Variants in ST6GAL1 observed in about 807,000 individuals in gnomAD.
ST6GAL1 encodes the protein ST6 beta-galactoside alpha-2,6-sialyltransferase 1, also known as beta-galactoside alpha-2,6-sialyltransferase 1.
ST6GAL1 carries 20 observed loss-of-function variants against 38.0 expected under a neutral mutation model. The ratio of observed to expected loss-of-function variants is 0.53; its 90% CI spans 0.37 to 0.77. The LOEUF (loss-of-function observed/expected upper bound fraction) is 0.77. ST6GAL1 is among the 30% of genes least tolerant of loss of function. The pLI is 0.00. For synonymous variants in ST6GAL1, 196 were observed against 188.2 expected (o/e 1.04, Z -0.34); for missense variants, 432 against 496.4 (o/e 0.87, Z 1.23).
At chr3:187,051,566 G>A in intron 5 of ST6GAL1, 1 of 483,256 alleles carries the variant, frequency 2.1e-6, no homozygotes, top group Non-Finnish European at 3.8e-6. Flanking sequence ...TCTGCTAATG[G>A]AGGTGTCTGG....
At chr3:187,049,500 G>A (rs991683245) in intron 4 of ST6GAL1, among the ~76,000 whole-genome samples, 1 of 152,146 alleles carries the variant, frequency 6.6e-6, no homozygotes, top group African/African-American at 2.4e-5. Flanking sequence ...CTTCTTGCCC[G>A]GAGGTTGGCA....
intron 1 of ST6GAL1, among the ~76,000 whole-genome samples, chr3:186,947,941 A>G (rs1486626434): frequency 6.6e-6 from 1 of 152,220 alleles, no homozygotes; most frequent in African/African-American, 2.4e-5. Flanking sequence ...CAGCCCCTAC[A>G]GGGTTGACAC....
rs1368884912 is a variant in ST6GAL1 at position 187,042,973 on chromosome 3, G to A, written c.270G>A (p.Glu90=). 13 of 1,613,982 alleles carry A rather than the reference G, an allele frequency of 8.1e-6. No homozygotes were observed. The highest frequency in any genetic ancestry group is 1.1e-5 in the Non-Finnish European group (13 of 1,180,006). ...SLRGLAKAKP[E]ASFQVWNKDS... ...GAGGCCTAGCCAAGGCCAAACCAGAGGCCTCCTTCCAGGTGTGGAACAAGG... is the reference window on the plus strand; with the variant it reads ...GAGGCCTAGCCAAGGCCAAACCAGAAGCCTCCTTCCAGGTGTGGAACAAGG... The change falls in exon 4 of 8, where the codon GAG becomes GAA. Residue 90 remains glutamate (E), a synonymous_variant. Transcript: ENST00000169298.
chr3:187,021,370 A>G (rs1416262433), intron 2 of ST6GAL1, among the ~76,000 whole-genome samples: 1 of 152,226 alleles, frequency 6.6e-6, no homozygotes, highest in Non-Finnish European at 1.5e-5. Context: ...CCTAAGAAAC[A>G]GTCTCTCTCC....
chr3:187,012,292 C>G lies in ST6GAL1; in HGVS notation c.-182-26450C>G, dbSNP rs547270032. ...TCTTTTTTTGAGACAGGGTCCTGCTCTGTCTCCCAGGCTGGAGTGCAGTGG... is the reference window on the plus strand; with the variant it reads ...TCTTTTTTTGAGACAGGGTCCTGCTGTGTCTCCCAGGCTGGAGTGCAGTGG... On this transcript the variant is annotated intron_variant, in intron 2 of 7. Coordinates refer to ENST00000169298, the MANE Select transcript of ST6GAL1 (RefSeq NM_173216.2). Among the ~76,000 whole-genome samples, 3 of 151,464 alleles carry G rather than the reference C, an allele frequency of 2.0e-5. No homozygotes were observed. In the South Asian group the frequency reaches 6.3e-4, roughly 32 times the overall value.
At chr3:186,971,155 C>A (rs2108531547) in intron 2 of ST6GAL1, among the ~76,000 whole-genome samples, 1 of 152,370 alleles carries the variant, frequency 6.6e-6, no homozygotes, top group African/African-American at 2.4e-5. Flanking sequence ...GTGGTGCTAT[C>A]TTGGCTCACT....
rs114277257 is a variant in ST6GAL1, at chr3:186,940,507, G to A, written c.-325+9673G>A. ...CAATCAAACTTGTTCAACCCGTGGC[G>A]TGGGGGCCGCATGTAGCCCAGGATG... On this transcript the variant is annotated intron_variant, in intron 1 of 7. Coordinates refer to ENST00000169298, the MANE Select transcript of ST6GAL1 (RefSeq NM_173216.2). Among the ~76,000 whole-genome samples the A allele has an allele frequency of 9.4e-3, 1,426 of 152,340 alleles. 26 individuals carry two copies. The highest frequency in any genetic ancestry group is 0.033 in the African/African-American group (1,357 of 41,576).
At position 186,984,768 on chromosome 3, in the gene ST6GAL1, T is replaced by TC. The variant is rs1491120111; in HGVS notation, c.-183+20842_-183+20843insC. On this transcript the variant is annotated intron_variant, in intron 2 of 7. Coordinates refer to ENST00000169298, the MANE Select transcript of ST6GAL1 (RefSeq NM_173216.2). ...CCTCCCTCCCTCCCTCCCTCCCTCC[T>TC]TCCTTCCTTCCCTTCCTCCCTTCCT... Among the ~76,000 whole-genome samples the TC allele has an allele frequency of 2.3e-4, 10 of 43,390 alleles. 1 individual carries two copies. Among genetic ancestry groups the TC allele is most frequent in the African/African-American group, 3.2e-4 (4 of 12,634 alleles). 28.5% of individuals were successfully genotyped at this position (43,390 alleles called of 152,430 possible).
At chr3:186,957,398 G>A (rs1191019760) in intron 1 of ST6GAL1, among the ~76,000 whole-genome samples, 8 of 152,120 alleles carry the variant, frequency 5.3e-5, no homozygotes, top group Non-Finnish European at 1.2e-4. Context: ...AGCTGAGGTT[G>A]TACCACTGCA....
intron 1 of ST6GAL1, among the ~76,000 whole-genome samples, chr3:186,955,977 A>C (rs904977820): frequency 6.6e-6 from 1 of 151,942 alleles, no homozygotes; most frequent in Non-Finnish European, 1.5e-5. Flanking sequence ...AATGCTTGTG[A>C]TTTTTGAGGC....
chr3:187,058,295 G>T (rs1420010290), intron 5 of ST6GAL1, among the ~76,000 whole-genome samples: 1 of 152,162 alleles, frequency 6.6e-6, no homozygotes, highest in Non-Finnish European at 1.5e-5. Flanking sequence ...TCCTCCATGG[G>T]TTGCACCCAC....
intron 2 of ST6GAL1, among the ~76,000 whole-genome samples, chr3:187,022,452 T>A (rs2108566042): frequency 6.6e-6 from 1 of 152,202 alleles, no homozygotes. Context: ...AGAGTCAAGT[T>A]ATTGTCTAGT....
chr3:186,946,335 T>C (rs1389779995), intron 1 of ST6GAL1, among the ~76,000 whole-genome samples: 1 of 152,064 alleles, frequency 6.6e-6, no homozygotes, highest in Non-Finnish European at 1.5e-5. Context: ...CTTTTCCTTA[T>C]AAAATAAAAT....
chr3:186,987,261 A>G (rs544276786), intron 2 of ST6GAL1, among the ~76,000 whole-genome samples: 52 of 152,200 alleles, frequency 3.4e-4, no homozygotes, highest in African/African-American at 1.2e-3. Flanking sequence ...GGAAGAAAGA[A>G]AGAAGAAAGA....
intron 1 of ST6GAL1, chr3:186,948,551 G>C (rs999730765): frequency 1.2e-4 from 5 of 43,438 alleles, no homozygotes; most frequent in Middle Eastern, 0.018. Flanking sequence ...GTGTGTGTGT[G>C]TGTGTGTGTG....
At chr3:187,066,601 CGTGTGTGT>C (rs3055152) in intron 5 of ST6GAL1, among the ~76,000 whole-genome samples, 90 of 148,834 alleles carry the variant, frequency 6.0e-4, no homozygotes, top group African/African-American at 1.9e-3. Flanking sequence ...TGCGTGCGTG[CGTGTGTGT>C]GTGTGTGTGT....
chr3:186,985,513 C>T (rs1715884966), intron 2 of ST6GAL1, among the ~76,000 whole-genome samples: 1 of 151,544 alleles, frequency 6.6e-6, no homozygotes, highest in Non-Finnish European at 1.5e-5. Context: ...GCTAGGCACT[C>T]CCAGCACTTT....
At chr3:187,066,601 CGTGTGT>C (rs3055152) in intron 5 of ST6GAL1, among the ~76,000 whole-genome samples, 1,859 of 148,800 alleles carry the variant, frequency 0.012, 33 homozygotes, top group African/African-American at 0.041. Flanking sequence ...TGCGTGCGTG[CGTGTGT>C]GTGTGTGTGT....
chr3:186,987,356 AG>A (rs1715982181), intron 2 of ST6GAL1, among the ~76,000 whole-genome samples: 1 of 152,164 alleles, frequency 6.6e-6, no homozygotes, highest in Admixed American at 6.5e-5. Context: ...TATCCAGTGA[AG>A]GGTATTACAT....
Sources: gnomAD v4.1 joint callset for allele counts (sites outside exome capture counted in the v4.1 genomes callset) on GRCh38, gnomAD v4.1.1 for gene constraint, MANE v1.5 for transcripts, NCBI Gene and HGNC (gene_info 2026-07-23, HGNC 2026-07-21) for gene names.